The following ZP2 variants were observed in gnomAD, a reference collection of about 807,000 sequenced individuals.
The protein encoded by ZP2 is zona pellucida sperm-binding protein 2.
Under a neutral mutation model 84.0 loss-of-function variants are expected in ZP2, and 51 were observed. The ratio of observed to expected loss-of-function variants is 0.61; its 90% CI spans 0.49 to 0.77. The LOEUF is 0.77. ZP2 is among the 30% of genes least tolerant of loss of function. The probability of loss-of-function intolerance (pLI) is 0.00; values close to 1 mark genes in which losing one functional copy is unlikely to be tolerated. For synonymous variants in ZP2, 375 were observed against 330.9 expected (o/e 1.13, Z -1.45); for missense variants, 909 against 911.9 (o/e 1.00, Z 0.04).
At chr16:21,210,035 C>A in intron 3 of ZP2, 74 bp downstream of exon 3, 1 of 1,351,912 alleles carries the variant, frequency 7.4e-7, no homozygotes, top group South Asian at 1.2e-5. Flanking sequence ...GTACTCTGCT[C>A]CCCAAACAGG....
At chr16:21,210,879 T>TC (rs2093272030) in intron 2 of ZP2, among the ~76,000 whole-genome samples, 1 of 143,968 alleles carries the variant, frequency 6.9e-6, no homozygotes, top group African/African-American at 2.6e-5. Context: ...CTGGCTGCAT[T>TC]TTTTTTTTTT....
intron 4 of ZP2, 33 bp from the exon 5 acceptor site, chr16:21,207,023 A>T: frequency 6.2e-7 from 1 of 1,612,064 alleles, no homozygotes; most frequent in South Asian, 1.1e-5. Flanking sequence ...GAACAGAGTA[A>T]GTACTGTACC....
rs2093227037 is a variant in ZP2 at position 21,201,847 on chromosome 16, G to T, written c.1380-17C>A. 1.2e-6 allele frequency: 2 copies of T among 1,613,778 alleles called. No individual in the cohort carries two copies. Among genetic ancestry groups the T allele is most frequent in the Non-Finnish European group, 1.7e-6 (2 of 1,179,792 alleles). ...ACTGTCATTCTGTAAGAGTTTGGAG[G>T]GAAGGTAGGTACAGAAAATTTCAGG... On this transcript the variant is annotated splice_polypyrimidine_tract_variant and intron_variant, in intron 12 of 18. Coordinates refer to ENST00000574091, the MANE Select transcript of ZP2 (RefSeq NM_001376232.1).
At chr16:21,198,660 C>T (rs62033379) in intron 17 of ZP2, 119 bp downstream of exon 17, 239,265 of 789,366 alleles carry the variant, frequency 0.3, 37,939 homozygotes, top group East Asian at 0.54. Context: ...GAGACTTAGT[C>T]TTTTATTCTT....
At position 21,209,649 on chromosome 16, in the gene ZP2, A is replaced by G; in HGVS notation, c.312T>C (p.Asp104=). 6.2e-7 allele frequency: 1 copy of G among 1,614,140 alleles called. No individual in the cohort carries two copies. Among genetic ancestry groups the G allele is most frequent in the Non-Finnish European group, 8.5e-7 (1 of 1,179,966 alleles). The part of the protein sequence containing the change: ...PEKLTLRATY[D]NCTRRVHGGH... ...GACTTACCACTCTCCTGGTACAGTT[A>G]TCATAGGTAGCCCTCAGGGTGAGCT... The change falls in exon 4 of 19, where the codon GAT becomes GAC. Residue 104 remains aspartate (D), a synonymous_variant. Coordinates refer to ENST00000574091, the MANE Select transcript of ZP2 (RefSeq NM_001376232.1).
chr16:21,205,438 A>G lies in ZP2; in HGVS notation c.675T>C (p.Thr225=), dbSNP rs947061407. Residue 225 remains threonine (T), a synonymous_variant, in exon 7 of 19, where the codon ACT becomes ACC. Coordinates refer to ENST00000574091, the MANE Select transcript of ZP2 (RefSeq NM_001376232.1). ...CACCTACCACATAGTGAGTCACTCC[A>G]GTGGCATTGAATGGCACATGGAAGG... ...RMTFHVPFNA[T]GVTHYVQGNS... is the part of the protein sequence containing the mutation. 6.8e-6 allele frequency: 11 copies of G among 1,614,136 alleles called. No homozygotes were observed. The highest frequency in any genetic ancestry group is 8.5e-6 in the Non-Finnish European group (10 of 1,180,022).
chr16:21,209,956 G>T (rs2093266930), intron 3 of ZP2, 153 bp downstream of exon 3: 1 of 735,862 alleles, frequency 1.4e-6, no homozygotes, highest in Non-Finnish European at 2.3e-6. Context: ...TCCATGCTGG[G>T]TGGCTTCATG....
upstream of ZP2, chr16:21,211,725 G>T: frequency 4.7e-6 from 7 of 1,503,002 alleles, no homozygotes; most frequent in South Asian, 1.2e-5. Flanking sequence ...GACAGCTTGC[G>T]CCGGGTATTC....
rs766756198 is a variant in ZP2 at position 21,199,785 on chromosome 16, C to T, written c.1788G>A (p.Lys596=). Residue 596 remains lysine (K), a synonymous_variant, in exon 15 of 19, where the codon AAG becomes AAA. Coordinates refer to ENST00000574091, the MANE Select transcript of ZP2 (RefSeq NM_001376232.1). ...HPDHYQRFDM[K]AFAFVSEAHV... ...GGGCTTCTGATACAAAGGCAAAAGC[C>T]TTCATGTCAAACCTCTGATAGTGAT... 3 of 1,614,076 alleles carry T rather than the reference C, an allele frequency of 1.9e-6. No homozygotes were observed. The Admixed American group carries it at 5.0e-5, about 27-fold the overall frequency.
At chr16:21,205,650 A>G in intron 6 of ZP2, 66 bp from the exon 7 acceptor site, 4 of 1,612,038 alleles carry the variant, frequency 2.5e-6, no homozygotes, top group African/African-American at 2.7e-5. Context: ...TAGTCTAACA[A>G]TTTATCAGGT....
Position 21,201,807 on chromosome 16 carries a change from C to A in ZP2, c.1403G>T (p.Ser468Ile). 1.2e-6 allele frequency: 2 copies of A among 1,614,110 alleles called. No individual in the cohort carries two copies. The highest frequency in any genetic ancestry group is 2.2e-5 in the South Asian group (2 of 91,072). Residue 468 changes from serine to isoleucine, a missense_variant, in exon 13 of 19, where the codon AGC (serine) becomes ATC (isoleucine). By Grantham distance (142) the Ser-to-Ile change is moderately radical. Coordinates refer to ENST00000574091, the MANE Select transcript of ZP2 (RefSeq NM_001376232.1). ...EFRMTVKCSY[S>I]RNDMLLNINV... ...GATGTTTAGTAGCATGTCATTCCTGCTATAAGAACACTTCACTGTCATTCT... is the reference window on the plus strand; with the variant it reads ...GATGTTTAGTAGCATGTCATTCCTGATATAAGAACACTTCACTGTCATTCT...
upstream of ZP2, chr16:21,211,592 C>A: frequency 6.2e-7 from 1 of 1,613,588 alleles, no homozygotes; most frequent in South Asian, 1.1e-5. Context: ...GTAGGCTGCT[C>A]TGTGTTTTTA....
Position 21,202,096 on chromosome 16 carries a change from G to C in ZP2, c.1287+8C>G. On this transcript the variant is annotated splice_region_variant and intron_variant, in intron 11 of 18. Transcript: ENST00000574091. ...AGACTTAACCTCGTGCCATCTGCCA[G>C]TACTAACCTTATATCTCGTTCCACA... 1 of 1,613,540 alleles carries C rather than the reference G, an allele frequency of 6.2e-7. No homozygotes were observed. Among genetic ancestry groups the C allele is most frequent in the Non-Finnish European group, 8.5e-7 (1 of 1,179,640 alleles).
chr16:21,211,933 T>G (rs2093277107), upstream of ZP2, among the ~76,000 whole-genome samples: 1 of 151,876 alleles, frequency 6.6e-6, no homozygotes, highest in Admixed American at 6.6e-5. Context: ...CACTACATTT[T>G]TTTTTTTTTT....
chr16:21,201,969 A>T lies in ZP2; in HGVS notation c.1342T>A (p.Phe448Ile), dbSNP rs149014575. 9.5e-4 allele frequency: 1,530 copies of T among 1,614,100 alleles called. 5 individuals are homozygous for T. The Middle Eastern group carries it at 0.018, about 19-fold the overall frequency. The change falls in exon 12 of 19, where the codon TTT (phenylalanine) becomes ATT (isoleucine). Residue 448 changes from phenylalanine to isoleucine, a missense_variant. Phe to Ile is a conservative substitution (Grantham distance 21, BLOSUM62 0). Transcript: ENST00000574091. ...ENEIHALWTD[F>I]PPSKISRDSE... The stretch of plus-strand genomic sequence containing the variant: ...TCTCTAGATATTTTGCTTGGAGGAA[A>T]ATCCGTCCAGAGAGCATGTATTTCG...
intron 5 of ZP2, 96 bp from the exon 6 acceptor site, chr16:21,205,871 C>T: frequency 8.0e-7 from 1 of 1,255,018 alleles, no homozygotes; most frequent in Non-Finnish European, 1.2e-6. Flanking sequence ...TACCAAAAGG[C>T]CTGCTGTGGG....
At position 21,205,331 on chromosome 16, in the gene ZP2, A is replaced by G. The variant is rs139392664; in HGVS notation, c.693+89T>C. On this transcript the variant is annotated intron_variant, in intron 7 of 18. Coordinates refer to ENST00000574091, the MANE Select transcript of ZP2 (RefSeq NM_001376232.1). ...GGCATTAAAATGGGTTGTATTATAAATTAATGTGAAGACATGGTTGAGATC... is the reference window on the plus strand; with the variant it reads ...GGCATTAAAATGGGTTGTATTATAAGTTAATGTGAAGACATGGTTGAGATC... 864 of 1,484,970 alleles carry G rather than the reference A, an allele frequency of 5.8e-4. 2 individuals are homozygous for G. The African/African-American group carries it at 0.01, about 17-fold the overall frequency. The allele number at this position is 1,484,970 out of a possible 1,614,324, so 92.0% of individuals were successfully genotyped here.
chr16:21,212,226 C>G (rs1021339085), upstream of ZP2, among the ~76,000 whole-genome samples: 3 of 152,170 alleles, frequency 2.0e-5, no homozygotes, highest in Admixed American at 1.3e-4. Context: ...TGCACCTACC[C>G]TAAAACCTTT....
At chr16:21,203,795 AAGACTT>A (rs1762731134) in intron 9 of ZP2, 1 of 574,624 alleles carries the variant, frequency 1.7e-6, no homozygotes, top group South Asian at 2.1e-5. Context: ...AAGACTTAGA[AAGACTT>A]AGACGATTTT....
Sources: gnomAD v4.1 joint callset for allele counts (sites outside exome capture counted in the v4.1 genomes callset) on GRCh38, gnomAD v4.1.1 for gene constraint, MANE v1.5 for transcripts, NCBI Gene and HGNC (gene_info 2026-07-23, HGNC 2026-07-21) for gene names.